Variants in ODF2 observed in about 807,000 individuals in gnomAD.
ODF2 encodes outer dense fiber protein 2.
A neutral mutation model predicts 110.2 loss-of-function variants in ODF2; 47 were observed. The observed-to-expected ratio is 0.43, with a 90% CI of 0.34 to 0.54. ODF2 has a LOEUF of 0.54. ODF2 is among the 20% of genes least tolerant of loss of function. ODF2 has a pLI of 0.03. For synonymous variants in ODF2, 352 were observed against 397.7 expected (o/e 0.89, Z 1.37); for missense variants, 812 against 1,054.5 (o/e 0.77, Z 3.19).
intron 11 of ODF2, 41 bp downstream of exon 11, chr9:128,484,095 G>T (rs1286896379): frequency 5.5e-6 from 8 of 1,447,314 alleles, no homozygotes; most frequent in Non-Finnish European, 7.7e-6. Flanking sequence ...GGAGGCAAGG[G>T]CCTGCCAATT....
chr9:128,457,944 T>TATATATA (rs34377791), intron 2 of ODF2, among the ~76,000 whole-genome samples: 9 of 39,298 alleles, frequency 2.3e-4, no homozygotes, highest in East Asian at 2.0e-3. Context: ...TATATATATA[T>TATATATA]TTTTTTTTTT....
chr9:128,486,754 C>T (rs1000430335), intron 13 of ODF2, among the ~76,000 whole-genome samples: 1 of 152,190 alleles, frequency 6.6e-6, no homozygotes, highest in Non-Finnish European at 1.5e-5. Flanking sequence ...CCACACCACA[C>T]TCATTGCCGT....
exon 1 of ODF2, chr9:128,456,189 C>T (rs1270889321): frequency 6.5e-7 from 1 of 1,548,548 alleles, no homozygotes; most frequent in Non-Finnish European, 8.7e-7. Flanking sequence ...CTCCATGGCA[C>T]GACCCTGGCC....
rs1835048677 is a variant in ODF2, at chr9:128,457,023, C to T, written c.-208-175C>T. ...CACTTGGGGCCGAGCGGTTCTCACC[C>T]GCCCTCTCCGCACGTCCGCCGGCGC... On this transcript the variant is annotated intron_variant, in intron 1 of 20. Transcript: ENST00000604420. The T allele has an allele frequency of 3.1e-6, 4 of 1,276,988 alleles. No homozygotes were observed. The South Asian group carries it at 4.4e-5, about 14-fold the overall frequency. The allele number at this position is 1,276,988 out of a possible 1,614,324, so 79.1% of individuals were successfully genotyped here.
At chr9:128,493,334 G>A (rs887255579) in intron 16 of ODF2, among the ~76,000 whole-genome samples, 19 of 152,112 alleles carry the variant, frequency 1.2e-4, no homozygotes, top group Admixed American at 2.6e-4. Flanking sequence ...GCAGTGAGCC[G>A]TCATTGTGCC....
chr9:128,458,198 A>G (rs187241755), intron 2 of ODF2, among the ~76,000 whole-genome samples: 1,886 of 152,164 alleles, frequency 0.012, 17 homozygotes, highest in South Asian at 0.029. Flanking sequence ...TGCCTGTGCA[A>G]TCCTAGCACT....
chr9:128,485,152 A>T lies in ODF2; in HGVS notation c.1291-213A>T, dbSNP rs1424041724. On this transcript the variant is annotated intron_variant, in intron 12 of 20. Coordinates refer to ENST00000604420, the Ensembl canonical transcript of ODF2. This position sits in a 1 kb window ranked among gnomAD's most constrained non-coding sequence, Gnocchi z 5.0. ...TTGTGGGTGAGAATAATGGTTAAGG[A>T]AGGATTTACAAACAGGATGCATTTG... Among the ~76,000 whole-genome samples, 1 of 152,122 alleles carries T rather than the reference A, an allele frequency of 6.6e-6. No individual in the cohort carries two copies. The highest frequency in any genetic ancestry group is 1.5e-5 in the Non-Finnish European group (1 of 68,014).
At chr9:128,456,053 C>T (rs908304955), upstream of ODF2, 3 of 1,501,582 alleles carry the variant, frequency 2.0e-6, no homozygotes, top group African/African-American at 4.2e-5. Flanking sequence ...GCCTCGATGG[C>T]GAAACCCAAG....
Position 128,494,367 on chromosome 9 carries a change from T to G in ODF2, c.1753-143T>G. 1.5e-6 allele frequency: 1 copy of G among 689,170 alleles called. No individual in the cohort carries two copies. The highest frequency in any genetic ancestry group is 2.5e-6 in the Non-Finnish European group (1 of 405,064). The allele number at this position is 689,170 out of a possible 1,614,324, so 42.7% of individuals were successfully genotyped here. A position where few individuals can be genotyped will look rare whatever the true frequency, so the allele number is the denominator to read the frequency against. Reference sequence around the variant, plus strand: ...CAGCGGGGAGTGTAGGCCACACTTCTGCTGTGGATTTTGCAGGATCCTCCA... The same window carrying G: ...CAGCGGGGAGTGTAGGCCACACTTCGGCTGTGGATTTTGCAGGATCCTCCA... On this transcript the variant is annotated intron_variant, in intron 16 of 20. Transcript: ENST00000604420. The surrounding 1 kb of genome is among the most constrained non-coding windows in gnomAD (Gnocchi z 4.6).
chr9:128,458,586 T>TC (rs1491541473), intron 2 of ODF2, among the ~76,000 whole-genome samples: 9 of 140,530 alleles, frequency 6.4e-5, no homozygotes, highest in Non-Finnish European at 1.1e-4. Context: ...GCTCTCTCTC[T>TC]TTTTTTTTTT....
At chr9:128,488,100 G>A (rs1843758821) in intron 14 of ODF2, 75 bp downstream of exon 14, 11 of 1,550,548 alleles carry the variant, frequency 7.1e-6, no homozygotes, top group Non-Finnish European at 9.7e-6. Flanking sequence ...TCTTACGTGG[G>A]CCTGGGGGCA....
intron 2 of ODF2, among the ~76,000 whole-genome samples, chr9:128,459,193 C>T (rs1178490756): frequency 6.6e-6 from 1 of 152,168 alleles, no homozygotes; most frequent in Non-Finnish European, 1.5e-5. Flanking sequence ...TCTCCAGGGC[C>T]GCCTCTGCTC....
At chr9:128,480,622 G>A (rs1440663934) in intron 8 of ODF2, among the ~76,000 whole-genome samples, 1 of 152,176 alleles carries the variant, frequency 6.6e-6, no homozygotes, top group Non-Finnish European at 1.5e-5. Context: ...TTTGAGACCA[G>A]CCTGGCTAAC....
At chr9:128,488,552 C>T (rs565254755) in intron 14 of ODF2, among the ~76,000 whole-genome samples, 3 of 152,280 alleles carry the variant, frequency 2.0e-5, no homozygotes, top group South Asian at 2.1e-4. Flanking sequence ...AATGTGGTAA[C>T]GCATGTGAAA....
At chr9:128,488,726 A>G (rs1843913059) in intron 14 of ODF2, among the ~76,000 whole-genome samples, 2 of 152,278 alleles carry the variant, frequency 1.3e-5, no homozygotes, top group Middle Eastern at 3.4e-3. Context: ...AAATGAGAAT[A>G]AGGGGCCGGG....
chr9:128,494,839 C>G lies in ODF2; in HGVS notation c.1911+171C>G, dbSNP rs1339627484. The G allele has an allele frequency of 1.3e-6, 2 of 1,500,452 alleles. No individual in the cohort carries two copies. Among genetic ancestry groups the G allele is most frequent in the Non-Finnish European group, 1.8e-6 (2 of 1,125,150 alleles). 92.9% of individuals were successfully genotyped at this position (1,500,452 alleles called of 1,614,324 possible). A position where few individuals can be genotyped will look rare whatever the true frequency, so the allele number is the denominator to read the frequency against. ...AAATAAAAGTCTGGTGTGCCAAATG[C>G]CATGTGTTTGCACAAAGTGATTGTA... is the stretch of plus-strand genomic sequence containing the variant. On this transcript the variant is annotated intron_variant, in intron 17 of 20. Coordinates refer to ENST00000604420, the Ensembl canonical transcript of ODF2. This position sits in a 1 kb window ranked among gnomAD's most constrained non-coding sequence, Gnocchi z 4.6.
intron 2 of ODF2, among the ~76,000 whole-genome samples, chr9:128,459,198 C>T (rs1835762706): frequency 6.6e-6 from 1 of 152,226 alleles, no homozygotes; most frequent in South Asian, 2.1e-4. Context: ...AGGGCCGCCT[C>T]TGCTCCAGGC....
In ODF2 at chr9:128,470,020, T is replaced by A. The variant is rs969420085; in HGVS notation, c.420+667T>A. ...AAAAAAAAAAAAAAAAAAAAAAAAA[T>A]ATATATATATATATATATATATATA... On this transcript the variant is annotated intron_variant, in intron 5 of 20. Coordinates refer to ENST00000604420, the Ensembl canonical transcript of ODF2. 8.9e-3 allele frequency among the ~76,000 whole-genome samples: 160 copies of A among 18,040 alleles called. 3 individuals carry two copies. The highest frequency in any genetic ancestry group is 0.013 in the Non-Finnish European group (121 of 9,128). 11.8% of individuals were successfully genotyped at this position (18,040 alleles called of 152,430 possible).
At chr9:128,460,911 G>A in intron 3 of ODF2, 31 bp from the exon 4 acceptor site, 3 of 1,614,082 alleles carry the variant, frequency 1.9e-6, no homozygotes, top group Non-Finnish European at 2.5e-6. Context: ...GCTGGGTGTG[G>A]AAGTGACCCT....
Sources: allele counts gnomAD v4.1 joint callset (sites outside exome capture counted in the v4.1 genomes callset), GRCh38; gene constraint gnomAD v4.1.1; non-coding constraint Gnocchi (gnomAD v3.1); transcripts MANE v1.5; gene names NCBI Gene and HGNC (gene_info 2026-07-23, HGNC 2026-07-21).